The following CPNE5 variants were observed in gnomAD, a reference collection of about 807,000 sequenced individuals.
CPNE5 encodes the protein copine 5, also known as copine-5.
CPNE5 carries 42 observed loss-of-function variants against 81.1 expected under a neutral mutation model. That is an observed-to-expected ratio of 0.52 (90% CI 0.40 to 0.67). The LOEUF (loss-of-function observed/expected upper bound fraction) is 0.67. CPNE5 is among the 30% of genes least tolerant of loss of function. CPNE5 has a pLI of 0.00. For synonymous variants in CPNE5, 313 were observed against 321.5 expected, an observed-to-expected ratio of 0.97 and a Z score of 0.28; for missense variants, 612 against 815.5, an observed-to-expected ratio of 0.75 and a Z score of 3.04.
intron 8 of CPNE5, among the ~76,000 whole-genome samples, chr6:36,779,368 C>T (rs781129748): frequency 6.6e-6 from 1 of 152,200 alleles, no homozygotes; most frequent in Non-Finnish European, 1.5e-5. Flanking sequence ...TGTGAACACA[C>T]GTGGTTTCAT....
rs141266501 is a variant in CPNE5 at position 36,742,290 on chromosome 6, G to T, written c.1760C>A (p.Ser587Tyr). The T allele has an allele frequency of 5.0e-6, 8 of 1,597,214 alleles. No individual in the cohort carries two copies. The highest frequency in any genetic ancestry group is 2.2e-5 in the South Asian group (2 of 90,062). ...GGTTCAGATGTGCGTGTGCAGGGGG[G>T]ACGCAGGGGGCGTGCGGGCTGGGGA... ...SQSPARTPPA[S>Y]PLHTHI The change falls in exon 21 of 21, where the codon TCC becomes TAC. Residue 587 changes from serine to tyrosine, a missense_variant. Ser to Tyr is a moderately radical substitution (Grantham distance 144). Transcript: ENST00000244751.
At chr6:36,773,169 G>A (rs911717489) in intron 10 of CPNE5, among the ~76,000 whole-genome samples, 2 of 152,042 alleles carry the variant, frequency 1.3e-5, no homozygotes, top group African/African-American at 2.4e-5. Flanking sequence ...GAGCCACCAC[G>A]CCTGACCCCA....
intron 10 of CPNE5, among the ~76,000 whole-genome samples, chr6:36,772,640 G>A (rs1767138776): frequency 6.6e-6 from 1 of 152,178 alleles, no homozygotes; most frequent in African/African-American, 2.4e-5. Flanking sequence ...GACCACCTGT[G>A]GAACAGACTG....
rs189512402 is a variant in CPNE5, at chr6:36,766,941, C to T, written c.738-1565G>A. Reference sequence around the variant, plus strand: ...CGTGATCTCGGCTCATTGCAACCTCCGCCTCCGGATTCAACTGATTCTCCT... The same window carrying T: ...CGTGATCTCGGCTCATTGCAACCTCTGCCTCCGGATTCAACTGATTCTCCT... On this transcript the variant is annotated intron_variant, in intron 10 of 20. Transcript: ENST00000244751. This position sits in a 1 kb window ranked among gnomAD's most constrained non-coding sequence, Gnocchi z 4.2. 4.3e-4 allele frequency among the ~76,000 whole-genome samples: 66 copies of T among 152,240 alleles called. No homozygotes were observed. The highest frequency in any genetic ancestry group is 1.5e-3 in the African/African-American group (62 of 41,524).
At chr6:36,793,065 C>T (rs1191965195) in intron 7 of CPNE5, among the ~76,000 whole-genome samples, 1 of 152,208 alleles carries the variant, frequency 6.6e-6, no homozygotes, top group African/African-American at 2.4e-5. Flanking sequence ...ATCCCCCTCC[C>T]TGCACCCTTT....
intron 3 of CPNE5, 100 bp from the exon 4 acceptor site, chr6:36,800,170 C>G: frequency 1.3e-6 from 1 of 741,520 alleles, no homozygotes; most frequent in Admixed American, 2.9e-5. Context: ...AGTCCTGGTT[C>G]TGGCAGTTAT....
At chr6:36,821,672 A>G (rs1187962491) in intron 3 of CPNE5, among the ~76,000 whole-genome samples, 3 of 152,172 alleles carry the variant, frequency 2.0e-5, no homozygotes, top group East Asian at 3.9e-4. Context: ...ACTTGATTCA[A>G]TGCAGAAGGG....
Position 36,792,089 on chromosome 6 carries a change from G to A in CPNE5, c.472C>T (p.Pro158Ser), listed in dbSNP as rs1769147766. 1 of 1,613,678 alleles carries A rather than the reference G, an allele frequency of 6.2e-7. No individual in the cohort carries two copies. Among genetic ancestry groups the A allele is most frequent in the Non-Finnish European group, 8.5e-7 (1 of 1,179,702 alleles). Residue 158 changes from proline (P) to serine (S), a missense_variant, in exon 8 of 21, where the codon CCA becomes TCA. Transcript: ENST00000244751. ...PMPAVSNGGV[P>S]GKKCGTIILS... ...ATGATGGTGCCACATTTCTTTCCTG[G>A]GACACCACTGGGAGAGGAGAAGATG... is the stretch of plus-strand genomic sequence containing the variant.
Position 36,745,038 on chromosome 6 carries a change from C to A in CPNE5, c.1431+10G>T, listed in dbSNP as rs766683787. 9 of 1,605,566 alleles carry A rather than the reference C, an allele frequency of 5.6e-6. No homozygotes were observed. The highest frequency in any genetic ancestry group is 7.7e-6 in the Non-Finnish European group (9 of 1,172,302). ...CAAACCGCCTCCCCCACCGCACACTCCTTGCTTACGTTGACAATGGCCTCC... is the reference window on the plus strand; with the variant it reads ...CAAACCGCCTCCCCCACCGCACACTACTTGCTTACGTTGACAATGGCCTCC... On this transcript the variant is annotated intron_variant, in intron 18 of 20. Coordinates refer to ENST00000244751, the MANE Select transcript of CPNE5 (RefSeq NM_020939.2).
chr6:36,745,163 G>A lies in CPNE5; in HGVS notation c.1329-13C>T, dbSNP rs1468942727. 5 of 1,606,244 alleles carry A rather than the reference G, an allele frequency of 3.1e-6. No individual in the cohort carries two copies. The highest frequency in any genetic ancestry group is 4.3e-6 in the Non-Finnish European group (5 of 1,173,460). ...GGCCGCTGCATTCCTGGGTGGGGCA[G>A]GTGTGGGCTCAGGTCTGTCTGCGGG... is the stretch of plus-strand genomic sequence containing the variant. On this transcript the variant is annotated splice_polypyrimidine_tract_variant and intron_variant, in intron 17 of 20. Transcript: ENST00000244751.
Position 36,746,065 on chromosome 6 carries a change from G to C in CPNE5, c.1200+331C>G. On this transcript the variant is annotated intron_variant, in intron 16 of 20. Coordinates refer to ENST00000244751, the MANE Select transcript of CPNE5 (RefSeq NM_020939.2). This position sits in a 1 kb window ranked among gnomAD's most constrained non-coding sequence, Gnocchi z 4.5. ...CATCCCATCTCAGCACTGACTCAGG[G>C]ATACCCAACCCACACCACCTTGTTC... 1 of 611,962 alleles carries C rather than the reference G, an allele frequency of 1.6e-6. No homozygotes were observed. The highest frequency in any genetic ancestry group is 2.0e-5 in the African/African-American group (1 of 50,014). The allele number at this position is 611,962 out of a possible 1,614,324, so 37.9% of individuals were successfully genotyped here.
At chr6:36,792,921 C>G (rs1387429603) in intron 7 of CPNE5, among the ~76,000 whole-genome samples, 1 of 152,088 alleles carries the variant, frequency 6.6e-6, no homozygotes, top group Non-Finnish European at 1.5e-5. Flanking sequence ...AGGAAAATGT[C>G]GGCTTGTCCA....
At chr6:36,778,774 G>A in intron 9 of CPNE5, 80 bp downstream of exon 9, 4 of 966,898 alleles carry the variant, frequency 4.1e-6, no homozygotes, top group East Asian at 2.4e-5. Context: ...ACCCTGCCTG[G>A]CAAGTCACCA....
intron 6 of CPNE5, among the ~76,000 whole-genome samples, chr6:36,796,832 C>T (rs540506746): frequency 7.9e-5 from 12 of 152,190 alleles, no homozygotes; most frequent in Admixed American, 3.3e-4. Flanking sequence ...TTTCCGGGGG[C>T]CCTGAAGTTA....
At chr6:36,747,433 A>G (rs1007781076) in intron 15 of CPNE5, among the ~76,000 whole-genome samples, 1 of 152,222 alleles carries the variant, frequency 6.6e-6, no homozygotes, top group Non-Finnish European at 1.5e-5. Context: ...AATCAGAGCA[A>G]TAATAGTTCC....
chr6:36,839,708 G>C (rs1773853570), upstream of CPNE5: 1 of 304,342 alleles, frequency 3.3e-6, no homozygotes, highest in Non-Finnish European at 6.1e-6. This position sits in a 1 kb window ranked among gnomAD's most constrained non-coding sequence, Gnocchi z 7.3. Context: ...CACCGGGAGG[G>C]AAACGCGGAG....
intron 12 of CPNE5, among the ~76,000 whole-genome samples, chr6:36,759,124 A>G (rs976252123): frequency 6.6e-6 from 1 of 152,258 alleles, no homozygotes; most frequent in African/African-American, 2.4e-5. Context: ...ATGAACCCGG[A>G]GTCCTGAGAG....
intron 1 of CPNE5, among the ~76,000 whole-genome samples, chr6:36,828,771 G>A (rs1213860568): frequency 6.6e-6 from 1 of 152,162 alleles, no homozygotes; most frequent in East Asian, 1.9e-4. Flanking sequence ...CTCACCCTAA[G>A]CATCCGTCCA....
rs530862877 is a variant in CPNE5, at chr6:36,796,200, C to T, written c.405-1551G>A. Reference sequence around the variant, plus strand: ...CCGACCTCAGGTGATCCACCCGCCTCGGCCTCCCACAGTGCTGGGATTACA... The same window carrying T: ...CCGACCTCAGGTGATCCACCCGCCTTGGCCTCCCACAGTGCTGGGATTACA... On this transcript the variant is annotated intron_variant, in intron 6 of 20. Transcript: ENST00000244751. Among the ~76,000 whole-genome samples the T allele has an allele frequency of 5.9e-3, 904 of 152,336 alleles. 8 individuals are homozygous for T. Among genetic ancestry groups the T allele is most frequent in the Middle Eastern group, 0.031 (9 of 294 alleles).
Sources: gnomAD v4.1 joint callset for allele counts (sites outside exome capture counted in the v4.1 genomes callset) on GRCh38, gnomAD v4.1.1 for gene constraint, Gnocchi (gnomAD v3.1) non-coding constraint, MANE v1.5 for transcripts, NCBI Gene and HGNC (gene_info 2026-07-23, HGNC 2026-07-21) for gene names.